MID1: variants seen among roughly 807,000 people sequenced by gnomAD.
MID1 encodes E3 ubiquitin-protein ligase Midline-1.
In MID1, 7 loss-of-function variants were observed where a neutral mutation model predicts 40.4. That is an observed-to-expected ratio of 0.17 (90% confidence interval 0.10 to 0.33). MID1 has a LOEUF of 0.33. MID1 is among the 10% of genes least tolerant of loss of function. The pLI is 1.00. For synonymous variants in MID1, 229 were observed against 221.2 expected (o/e 1.04, Z -0.31); for missense variants, 367 against 558.5 (o/e 0.66, Z 3.46).
chrX:10,671,045 G>A (rs762393954), intron 1 of MID1, among the ~76,000 whole-genome samples: 11 of 111,676 alleles, frequency 9.8e-5, no homozygotes, highest in African/African-American at 3.6e-4. Flanking sequence ...CCAGGCTAAT[G>A]CTCCATATAA....
rs747504051 is a variant in MID1, at chrX:10,468,737, AGGCC to A, written c.1285+956_1285+959del. ...TTATCTCTGATGCCAGATATCAAAT[AGGCC>A]TCAGTGAGAGGGGGCACCTCTAATG... On this transcript the variant is annotated intron_variant, in intron 7 of 9. Transcript: ENST00000317552. Among the ~76,000 whole-genome samples the A allele has an allele frequency of 2.7e-5, 3 of 111,656 alleles. No homozygotes were observed. The South Asian group carries it at 1.2e-3, about 43-fold the overall frequency.
At chrX:10,687,645 T>A (rs1230890296) in intron 1 of MID1, among the ~76,000 whole-genome samples, 1 of 112,296 alleles carries the variant, frequency 8.9e-6, no homozygotes, top group African/African-American at 3.2e-5. Flanking sequence ...TGCGAAAGCT[T>A]TACAGGAGGG....
intron 1 of MID1, among the ~76,000 whole-genome samples, chrX:10,696,312 C>G (rs1435937827): frequency 8.9e-6 from 1 of 111,802 alleles, no homozygotes; most frequent in Non-Finnish European, 1.9e-5. Flanking sequence ...TGCTAGCAGG[C>G]CTCTGTGCAT....
chrX:10,747,951 G>A (rs1417971048), intron 1 of MID1, among the ~76,000 whole-genome samples: 3 of 111,476 alleles, frequency 2.7e-5, no homozygotes, highest in Non-Finnish European at 3.8e-5. Flanking sequence ...AAATAAGAGG[G>A]ACTTCTTTTT....
intron 1 of MID1, among the ~76,000 whole-genome samples, chrX:10,599,733 C>T (rs1935482719): frequency 8.9e-6 from 1 of 112,355 alleles, no homozygotes; most frequent in African/African-American, 3.2e-5. Context: ...ACTTAAATAT[C>T]ACTGTGAGAA....
chrX:10,662,597 C>A (rs2042922819), intron 1 of MID1, among the ~76,000 whole-genome samples: 1 of 111,403 alleles, frequency 9.0e-6, no homozygotes, highest in Non-Finnish European at 1.9e-5. Context: ...ATAGGAATCT[C>A]CTAATTCAAG....
intron 2 of MID1, among the ~76,000 whole-genome samples, chrX:10,535,112 A>G (rs968565527): frequency 8.9e-6 from 1 of 111,922 alleles, no homozygotes; most frequent in Non-Finnish European, 1.9e-5. Flanking sequence ...AGGAGTGTCT[A>G]CTAGGGGAGT....
chrX:10,483,660 CCAGT>C (rs1232631656), intron 4 of MID1, among the ~76,000 whole-genome samples: 2 of 112,036 alleles, frequency 1.8e-5, no homozygotes, highest in African/African-American at 6.5e-5. Context: ...ACGGAGGAGA[CCAGT>C]CAATCTGTCT....
chrX:10,645,914 C>G (rs1329603848), intron 1 of MID1, among the ~76,000 whole-genome samples: 1 of 111,794 alleles, frequency 8.9e-6, no homozygotes, highest in African/African-American at 3.3e-5. Flanking sequence ...ATGGATGGGC[C>G]ACAGGAGCCT....
chrX:10,638,783 G>T (rs757230814), intron 1 of MID1, among the ~76,000 whole-genome samples: 1 of 111,919 alleles, frequency 8.9e-6, no homozygotes, highest in African/African-American at 3.3e-5. Flanking sequence ...ACCTCATACA[G>T]CTGGGTGCCC....
At position 10,736,231 on chromosome X, in the gene MID1, G is replaced by A. The variant is rs778463792; in HGVS notation, c.-187+97323C>T. On this transcript the variant is annotated intron_variant, in intron 1 of 10. Transcript: ENST00000380785. ...CCTGACCTCGTGATCCGCCCGCCTC[G>A]GCCTCCCAAAGTGCTCGGATTACAG... 8.1e-5 allele frequency among the ~76,000 whole-genome samples: 9 copies of A among 111,321 alleles called. No individual in the cohort carries two copies. In the South Asian group the frequency reaches 1.5e-3, roughly 19 times the overall value.
chrX:10,686,665 T>C (rs1023738755), intron 1 of MID1, among the ~76,000 whole-genome samples: 1 of 111,406 alleles, frequency 9.0e-6, no homozygotes, highest in African/African-American at 3.3e-5. Flanking sequence ...GAATTTGGGG[T>C]GAAGATACTT....
intron 7 of MID1, among the ~76,000 whole-genome samples, chrX:10,460,239 C>G: frequency 9.0e-6 from 1 of 111,639 alleles, no homozygotes; most frequent in Admixed American, 9.5e-5. Context: ...CTCTGTTTAT[C>G]CCAACAGGAT....
rs756223472 is a variant in MID1, at chrX:10,812,398, G to C, written c.-187+21156C>G. ...AAATGACAAAGAAACTAATTTAAGC[G>C]AAGGTTGTTAAGCAAAAAGATTGAC... On this transcript the variant is annotated intron_variant, in intron 1 of 10. Transcript: ENST00000380785. Among the ~76,000 whole-genome samples the C allele has an allele frequency of 9.0e-5, 10 of 111,461 alleles. No homozygotes were observed. The South Asian group carries it at 3.8e-3, about 42-fold the overall frequency.
chrX:10,506,593 G>C (rs1931854361), intron 3 of MID1: 1 of 487,817 alleles, frequency 2.0e-6, no homozygotes, highest in African/African-American at 2.3e-5. Context: ...AGTTGGTCCT[G>C]GGAGGGGCAG....
intron 1 of MID1, among the ~76,000 whole-genome samples, chrX:10,785,665 T>C (rs1211089675): frequency 9.0e-6 from 1 of 110,901 alleles, no homozygotes; most frequent in African/African-American, 3.3e-5. Context: ...TAATGCCGCA[T>C]ATCTACAACC....
At chrX:10,729,691 T>A (rs1169178851) in intron 1 of MID1, among the ~76,000 whole-genome samples, 1 of 112,203 alleles carries the variant, frequency 8.9e-6, no homozygotes, top group Non-Finnish European at 1.9e-5. Context: ...GTTATAGAAC[T>A]TAGACATGAA....
intron 1 of MID1, among the ~76,000 whole-genome samples, chrX:10,587,674 G>C (rs1346116187): frequency 8.9e-6 from 1 of 112,200 alleles, no homozygotes; most frequent in Non-Finnish European, 1.9e-5. Context: ...ATTCCAACCA[G>C]GCATTTGCAT....
intron 1 of MID1, among the ~76,000 whole-genome samples, chrX:10,580,838 C>T (rs1423884361): frequency 2.8e-5 from 3 of 107,190 alleles, no homozygotes; most frequent in Non-Finnish European, 5.7e-5. Context: ...TTCCCTCTGG[C>T]ATGCTTTCAG....
Sources: gnomAD v4.1 joint callset for allele counts (sites outside exome capture counted in the v4.1 genomes callset) on GRCh38, gnomAD v4.1.1 for gene constraint, MANE v1.5 for transcripts, NCBI Gene and HGNC (gene_info 2026-07-23, HGNC 2026-07-21) for gene names.